Variants in TMEM132D observed in about 807,000 individuals in gnomAD.
The protein encoded by TMEM132D is mature OL transmembrane protein.
Under a neutral mutation model 62.3 loss-of-function variants are expected in TMEM132D, and 21 were observed. The observed-to-expected ratio is 0.34, with a 90% CI of 0.24 to 0.49. The LOEUF (loss-of-function observed/expected upper bound fraction) is 0.49. Ranked by LOEUF, TMEM132D falls within the 20% of genes least tolerant of loss-of-function variation. The pLI is 0.99. For synonymous variants in TMEM132D, 621 were observed against 575.6 expected, an observed-to-expected ratio of 1.08 and a Z score of -1.13; for missense variants, 1,346 against 1,402.8, an observed-to-expected ratio of 0.96 and a Z score of 0.65.
rs376137783 is a variant in TMEM132D at position 129,249,825 on chromosome 12, T to G, written c.1300-40162A>C. On this transcript the variant is annotated intron_variant, in intron 4 of 8. Coordinates refer to ENST00000422113, the MANE Select transcript of TMEM132D (RefSeq NM_133448.3). The stretch of plus-strand genomic sequence containing the variant: ...AAAAGGAACCGTGGATCAGCCAGGG[T>G]CCCAGTGGAAGCAGACGGCACACTC... Among the ~76,000 whole-genome samples the G allele has an allele frequency of 1.8e-3, 281 of 152,130 alleles. 13 individuals are homozygous for G. The South Asian group carries it at 0.056, about 30-fold the overall frequency.
At chr12:129,500,363 C>A (rs1397124700) in intron 3 of TMEM132D, among the ~76,000 whole-genome samples, 2 of 152,158 alleles carry the variant, frequency 1.3e-5, no homozygotes, top group African/African-American at 4.8e-5. Flanking sequence ...AGCGGGGAGG[C>A]AATTCACCTG....
chr12:129,146,895 G>C (rs566383412), intron 5 of TMEM132D, among the ~76,000 whole-genome samples: 1 of 152,212 alleles, frequency 6.6e-6, no homozygotes, highest in East Asian at 1.9e-4. Context: ...TCTACAGAGG[G>C]GAAACTGAGG....
chr12:129,612,734 T>A (rs893542902), intron 2 of TMEM132D, among the ~76,000 whole-genome samples: 4 of 144,994 alleles, frequency 2.8e-5, no homozygotes, highest in Admixed American at 2.1e-4. Flanking sequence ...CCCAGGCAAC[T>A]CATCTGATGT....
chr12:129,539,095 G>A (rs1876507741), intron 2 of TMEM132D, among the ~76,000 whole-genome samples: 1 of 152,200 alleles, frequency 6.6e-6, no homozygotes, highest in Non-Finnish European at 1.5e-5. Flanking sequence ...AAGGGGGCAG[G>A]TGTCTCATGC....
At chr12:129,869,065 T>TG (rs1491105072) in intron 1 of TMEM132D, among the ~76,000 whole-genome samples, 3 of 7,512 alleles carry the variant, frequency 4.0e-4, no homozygotes, top group Admixed American at 2.8e-3. Flanking sequence ...TTGCTTTGTG[T>TG]TTTTTTTTTT....
At chr12:129,364,360 G>A (rs576661721) in intron 3 of TMEM132D, among the ~76,000 whole-genome samples, 1 of 152,258 alleles carries the variant, frequency 6.6e-6, no homozygotes, top group South Asian at 2.1e-4. Context: ...TAGTTCATGT[G>A]GTACATCTTT....
chr12:129,828,510 A>G (rs999147793), intron 1 of TMEM132D, among the ~76,000 whole-genome samples: 1 of 150,990 alleles, frequency 6.6e-6, no homozygotes, highest in African/African-American at 2.4e-5. Context: ...TATCACAACC[A>G]TTACCTATTA....
intron 2 of TMEM132D, among the ~76,000 whole-genome samples, chr12:129,532,408 G>C (rs562247518): frequency 6.6e-6 from 1 of 152,314 alleles, no homozygotes; most frequent in Admixed American, 6.5e-5. Context: ...ACCATCTTCT[G>C]CTATTAATAT....
chr12:129,567,929 A>G (rs1877412773), intron 2 of TMEM132D, among the ~76,000 whole-genome samples: 1 of 152,180 alleles, frequency 6.6e-6, no homozygotes, highest in Non-Finnish European at 1.5e-5. Flanking sequence ...CATATCTCCC[A>G]TATGTCTTGA....
intron 1 of TMEM132D, among the ~76,000 whole-genome samples, chr12:129,818,465 T>C (rs760040803): frequency 6.7e-6 from 1 of 150,360 alleles, no homozygotes; most frequent in African/African-American, 2.5e-5. Flanking sequence ...TGTATCTGTG[T>C]GTATGTGGTT....
intron 1 of TMEM132D, among the ~76,000 whole-genome samples, chr12:129,776,446 A>T (rs1870925207): frequency 2.3e-5 from 2 of 87,140 alleles, no homozygotes; most frequent in African/African-American, 5.9e-5. Context: ...TCAAATATTC[A>T]TTGTCACCCA....
At chr12:129,111,683 G>A (rs1875709597) in intron 5 of TMEM132D, 1 of 152,188 alleles carries the variant, frequency 6.6e-6, no homozygotes, top group African/African-American at 2.4e-5. Flanking sequence ...GGTGATAACT[G>A]ATTATGAAAA....
At chr12:129,081,296 G>A (rs1470945965) in intron 7 of TMEM132D, among the ~76,000 whole-genome samples, 1 of 152,162 alleles carries the variant, frequency 6.6e-6, no homozygotes. Flanking sequence ...TCATTACATG[G>A]CTTGCATTGT....
At chr12:129,839,788 C>T (rs79639932) in intron 1 of TMEM132D, 4,523 of 152,274 alleles carry the variant, frequency 0.03, 123 homozygotes, top group South Asian at 0.093. Flanking sequence ...AGAGGCGATC[C>T]GGATCCAAAG....
intron 1 of TMEM132D, among the ~76,000 whole-genome samples, chr12:129,728,282 A>G (rs926359061): frequency 6.6e-6 from 1 of 152,226 alleles, no homozygotes; most frequent in Non-Finnish European, 1.5e-5. Flanking sequence ...AATAAACTGT[A>G]TTTTATTTAA....
In TMEM132D at chr12:129,210,579, C is replaced by T. The variant is rs139365681; in HGVS notation, c.1300-916G>A. Among the ~76,000 whole-genome samples, 535 of 152,324 alleles carry T rather than the reference C, an allele frequency of 3.5e-3. 1 individual carries two copies. Among genetic ancestry groups the T allele is most frequent in the African/African-American group, 0.012 (510 of 41,582 alleles). ...ATTTGCTTTCAGAATTAAGAATGTC[C>T]TGAACCTTTCCCCTTGGTAGCACCT... On this transcript the variant is annotated intron_variant, in intron 4 of 8. Coordinates refer to ENST00000422113, the MANE Select transcript of TMEM132D (RefSeq NM_133448.3).
intron 1 of TMEM132D, among the ~76,000 whole-genome samples, chr12:129,718,247 T>G (rs1297871364): frequency 1.3e-5 from 2 of 152,178 alleles, no homozygotes; most frequent in African/African-American, 4.8e-5. Flanking sequence ...ACAGGCAAAG[T>G]GGCCAGGCTG....
At chr12:129,275,613 C>T (rs1880982681) in intron 4 of TMEM132D, among the ~76,000 whole-genome samples, 1 of 152,198 alleles carries the variant, frequency 6.6e-6, no homozygotes. Context: ...CACCACAGTT[C>T]AGGGGATGCT....
At chr12:129,784,245 C>A (rs1871198164) in intron 1 of TMEM132D, among the ~76,000 whole-genome samples, 1 of 152,170 alleles carries the variant, frequency 6.6e-6, no homozygotes. Flanking sequence ...ATCTTGAAAT[C>A]CTGAAACTAC....
Sources: gnomAD v4.1 joint callset for allele counts (sites outside exome capture counted in the v4.1 genomes callset) on GRCh38, gnomAD v4.1.1 for gene constraint, MANE v1.5 for transcripts, NCBI Gene and HGNC (gene_info 2026-07-23, HGNC 2026-07-21) for gene names.